The following AUTS2 variants were observed in gnomAD, a reference collection of about 807,000 sequenced individuals.
AUTS2 encodes activator of transcription and developmental regulator AUTS2.
In AUTS2, 17 loss-of-function variants were observed where a neutral mutation model predicts 112.4. The observed-to-expected ratio is 0.15, with a 90% CI of 0.10 to 0.23. The LOEUF (loss-of-function observed/expected upper bound fraction) is 0.23, where lower values mean the gene tolerates loss of function less well. Ranked by LOEUF, AUTS2 falls within the 10% of genes least tolerant of loss-of-function variation. AUTS2 has a pLI of 1.00. For missense variants in AUTS2, 1,510 were observed against 1,701.6 expected (o/e 0.89, Z 1.98); for synonymous variants, 751 against 702.7 (o/e 1.07, Z -1.09).
At chr7:70,284,647 A>G (rs919175378) in intron 4 of AUTS2, among the ~76,000 whole-genome samples, 1 of 152,182 alleles carries the variant, frequency 6.6e-6, no homozygotes, top group Non-Finnish European at 1.5e-5. Context: ...CAGGTCAGAG[A>G]GCAAAAGGTC....
intron 2 of AUTS2, among the ~76,000 whole-genome samples, chr7:69,905,888 A>G (rs1223988745): frequency 6.6e-6 from 1 of 152,216 alleles, no homozygotes; most frequent in Non-Finnish European, 1.5e-5. Context: ...ATGGGCCATA[A>G]TTCAGCTTGG....
intron 4 of AUTS2, among the ~76,000 whole-genome samples, chr7:70,408,628 G>A (rs1794643156): frequency 1.3e-5 from 2 of 152,156 alleles, no homozygotes; most frequent in African/African-American, 2.4e-5. Context: ...TGCCGACAAA[G>A]TACAGCCATA....
intron 1 of AUTS2, among the ~76,000 whole-genome samples, chr7:69,668,865 A>G (rs1170084070): frequency 1.3e-5 from 2 of 152,220 alleles, no homozygotes; most frequent in Non-Finnish European, 2.9e-5. Flanking sequence ...CAGCATCTTC[A>G]TACCTATGGC....
At chr7:70,078,379 A>C (rs1433415860) in intron 2 of AUTS2, among the ~76,000 whole-genome samples, 2 of 152,208 alleles carry the variant, frequency 1.3e-5, no homozygotes. Flanking sequence ...TGCCTAATTT[A>C]AAATGTATTG....
intron 6 of AUTS2, among the ~76,000 whole-genome samples, chr7:70,730,482 G>A (rs893634734): frequency 6.6e-6 from 1 of 152,088 alleles, no homozygotes. Flanking sequence ...GCCCGTTCCT[G>A]GGCACTTCAT....
intron 2 of AUTS2, among the ~76,000 whole-genome samples, chr7:70,115,692 G>C (rs908877905): frequency 9.2e-5 from 14 of 152,218 alleles, no homozygotes; most frequent in Non-Finnish European, 1.6e-4. Flanking sequence ...ACTTAACTCA[G>C]AATCAGTGGG....
At chr7:69,614,155 G>C (rs140719965) in intron 1 of AUTS2, among the ~76,000 whole-genome samples, 108 of 152,168 alleles carry the variant, frequency 7.1e-4, no homozygotes, top group Middle Eastern at 3.4e-3. Context: ...GGGACTTCAC[G>C]ATTCAGAACT....
At chr7:70,563,159 A>C (rs563591074) in intron 5 of AUTS2, among the ~76,000 whole-genome samples, 1 of 152,316 alleles carries the variant, frequency 6.6e-6, no homozygotes, top group South Asian at 2.1e-4. Context: ...GTGGCTAGGC[A>C]TACTCTCAGG....
intron 1 of AUTS2, among the ~76,000 whole-genome samples, chr7:69,895,318 A>G (rs1477489804): frequency 6.6e-6 from 1 of 152,226 alleles, no homozygotes; most frequent in South Asian, 2.1e-4. Flanking sequence ...GTACCTGTTT[A>G]TAGAGGGAAT....
chr7:69,601,987 T>G (rs1255523781), intron 1 of AUTS2, among the ~76,000 whole-genome samples: 1 of 150,552 alleles, frequency 6.6e-6, no homozygotes, highest in African/African-American at 2.5e-5. Context: ...CCACGAACAT[T>G]TTTGGAGGAC....
At chr7:70,020,646 A>G (rs1358934287) in intron 2 of AUTS2, among the ~76,000 whole-genome samples, 1 of 151,882 alleles carries the variant, frequency 6.6e-6, no homozygotes, top group Non-Finnish European at 1.5e-5. Context: ...TCAGTAGAGG[A>G]TGCTTTAGGA....
intron 1 of AUTS2, among the ~76,000 whole-genome samples, chr7:69,733,638 C>G (rs1786899576): frequency 6.6e-6 from 1 of 152,094 alleles, no homozygotes; most frequent in Non-Finnish European, 1.5e-5. Context: ...TTTTACAATG[C>G]CTGTGATGCT....
chr7:70,102,792 A>G (rs577051332), intron 2 of AUTS2, among the ~76,000 whole-genome samples: 18 of 152,274 alleles, frequency 1.2e-4, no homozygotes, highest in African/African-American at 4.1e-4. Flanking sequence ...TAAGATGGCT[A>G]AGGTAAATGA....
At chr7:70,533,709 G>T (rs1467204585) in intron 5 of AUTS2, among the ~76,000 whole-genome samples, 1 of 152,208 alleles carries the variant, frequency 6.6e-6, no homozygotes, top group Admixed American at 6.5e-5. Flanking sequence ...TGCCGATGCA[G>T]ACCTCATAGT....
intron 1 of AUTS2, among the ~76,000 whole-genome samples, chr7:69,800,158 A>G (rs1790020202): frequency 6.6e-6 from 1 of 152,172 alleles, no homozygotes; most frequent in Non-Finnish European, 1.5e-5. Context: ...TTTGTTTCTG[A>G]CTATTCACTC....
chr7:70,740,402 C>T (rs1788034217), intron 6 of AUTS2, among the ~76,000 whole-genome samples: 1 of 152,226 alleles, frequency 6.6e-6, no homozygotes, highest in East Asian at 1.9e-4. Flanking sequence ...GTCCTTCCTT[C>T]CTTTGCTGCT....
chr7:69,797,973 C>T (rs979714301), intron 1 of AUTS2, among the ~76,000 whole-genome samples: 3 of 152,034 alleles, frequency 2.0e-5, no homozygotes, highest in Non-Finnish European at 4.4e-5. Flanking sequence ...CTTGGCTATG[C>T]TACTGGGCAC....
At chr7:70,300,617 G>A (rs1396994156) in intron 4 of AUTS2, among the ~76,000 whole-genome samples, 1 of 151,980 alleles carries the variant, frequency 6.6e-6, no homozygotes, top group Admixed American at 6.6e-5. Flanking sequence ...GAATTTTTTG[G>A]GGATACTGAT....
rs141547383 is a variant in AUTS2, at chr7:70,519,199, G to A, written c.690+83418G>A. 2.2e-3 allele frequency among the ~76,000 whole-genome samples: 334 copies of A among 152,286 alleles called. 1 individual carries two copies. The highest frequency in any genetic ancestry group is 7.7e-3 in the African/African-American group (321 of 41,540). On this transcript the variant is annotated intron_variant, in intron 5 of 18. Coordinates refer to ENST00000342771, the MANE Select transcript of AUTS2 (RefSeq NM_015570.4). ...AAATGGTGGCATCAACACGGTCATA[G>A]AGAACTCTGATGTTCAAAGGACATG... is the stretch of plus-strand genomic sequence containing the variant.
Sources: gnomAD v4.1 joint callset for allele counts (sites outside exome capture counted in the v4.1 genomes callset) on GRCh38, gnomAD v4.1.1 for gene constraint, MANE v1.5 for transcripts, NCBI Gene and HGNC (gene_info 2026-07-23, HGNC 2026-07-21) for gene names.